CCSER2: variants seen among roughly 807,000 people sequenced by gnomAD.
CCSER2 encodes serine-rich coiled-coil domain-containing protein 2.
In CCSER2, 46 loss-of-function variants were observed where a neutral mutation model predicts 92.3. That is an observed-to-expected ratio of 0.50 (90% CI 0.39 to 0.64). CCSER2 has a LOEUF of 0.64. CCSER2 is among the 30% of genes least tolerant of loss of function. The pLI is 0.00. For missense variants in CCSER2, 1,244 were observed against 1,238.9 expected (o/e 1.00, Z -0.06); for synonymous variants, 433 against 431.4 (o/e 1.00, Z -0.04).
At chr10:84,398,298 A>G (rs927213845) in intron 3 of CCSER2, among the ~76,000 whole-genome samples, 2 of 152,110 alleles carry the variant, frequency 1.3e-5, no homozygotes, top group African/African-American at 4.8e-5. Flanking sequence ...ATTATTATAC[A>G]TTGGGCCCCC....
At chr10:84,505,118 A>G (rs777596463) in intron 9 of CCSER2, among the ~76,000 whole-genome samples, 4 of 152,120 alleles carry the variant, frequency 2.6e-5, no homozygotes, top group Non-Finnish European at 5.9e-5. Context: ...CTTTTTTCAC[A>G]TAGTATCATT....
rs191652019 is a variant in CCSER2, at chr10:84,457,998, C to T, written c.2065-5935C>T. Among the ~76,000 whole-genome samples the T allele has an allele frequency of 1.4e-4, 21 of 151,978 alleles. No individual in the cohort carries two copies. The East Asian group carries it at 3.5e-3, about 25-fold the overall frequency. On this transcript the variant is annotated intron_variant, in intron 6 of 9. Coordinates refer to ENST00000372088, the MANE Select transcript of CCSER2 (RefSeq NM_001284240.2). ...CTGACCTCAGGTGATCCGCCTGCTTCGGCCTCCCAAAAGGCTGGGATTACA... is the reference window on the plus strand; with the variant it reads ...CTGACCTCAGGTGATCCGCCTGCTTTGGCCTCCCAAAAGGCTGGGATTACA...
intron 8 of CCSER2, among the ~76,000 whole-genome samples, chr10:84,471,873 A>G (rs1432998944): frequency 6.6e-6 from 1 of 152,124 alleles, no homozygotes; most frequent in African/African-American, 2.4e-5. Flanking sequence ...TTCAGATTAA[A>G]TAAGTTTGAG....
Position 84,465,314 on chromosome 10 carries a change from A to ATTTT in CCSER2, c.2148+1324_2148+1327dup, listed in dbSNP as rs34510394. On this transcript the variant is annotated intron_variant, in intron 7 of 9. Transcript: ENST00000372088. Reference sequence around the variant, plus strand: ...GTGAAAAAGTTTTTTACATGTAAAGATTTTTTTTTTTTTTTTTTTTTTTTT... The same window carrying ATTTT: ...GTGAAAAAGTTTTTTACATGTAAAGATTTTTTTTTTTTTTTTTTTTTTTTTTTTT... Among the ~76,000 whole-genome samples, 19 of 49,884 alleles carry ATTTT rather than the reference A, an allele frequency of 3.8e-4. 1 individual carries two copies. Among genetic ancestry groups the ATTTT allele is most frequent in the African/African-American group, 1.4e-3 (13 of 9,466 alleles). The allele number at this position is 49,884 out of a possible 152,430, so 32.7% of individuals were successfully genotyped here.
chr10:84,361,713 C>T (rs1564598094), intron 1 of CCSER2, among the ~76,000 whole-genome samples: 1 of 151,934 alleles, frequency 6.6e-6, no homozygotes, highest in Admixed American at 6.6e-5. Context: ...GCAATCTCAC[C>T]TCACTGCAAC....
At chr10:84,509,802 G>T (rs918678074) in intron 9 of CCSER2, among the ~76,000 whole-genome samples, 4 of 152,100 alleles carry the variant, frequency 2.6e-5, no homozygotes, top group Non-Finnish European at 5.9e-5. Flanking sequence ...TCTAGGTTTT[G>T]TGGGCTTCCG....
In CCSER2 at chr10:84,368,657, A is replaced by G. The variant is rs76193840; in HGVS notation, c.-39-2357A>G. Among the ~76,000 whole-genome samples the G allele has an allele frequency of 8.4e-3, 1,271 of 152,182 alleles. 83 individuals are homozygous for G. The East Asian group carries it at 0.16, about 19-fold the overall frequency. On this transcript the variant is annotated intron_variant, in intron 1 of 9. Coordinates refer to ENST00000372088, the MANE Select transcript of CCSER2 (RefSeq NM_001284240.2). ...TTTTATAAAACCATGTATTTTTTTAAAAAAATAATATGTTCTTTAATTACC... is the reference window on the plus strand; with the variant it reads ...TTTTATAAAACCATGTATTTTTTTAGAAAAATAATATGTTCTTTAATTACC...
intron 1 of CCSER2, among the ~76,000 whole-genome samples, chr10:84,343,626 ATGT>A (rs1844323253): frequency 6.6e-6 from 1 of 152,146 alleles, no homozygotes; most frequent in Non-Finnish European, 1.5e-5. Flanking sequence ...CAATTAGATG[ATGT>A]TGTTATGAAG....
intron 3 of CCSER2, among the ~76,000 whole-genome samples, chr10:84,383,838 C>G (rs1037496019): frequency 6.6e-6 from 1 of 151,994 alleles, no homozygotes; most frequent in Non-Finnish European, 1.5e-5. Flanking sequence ...TAAAAATGAT[C>G]AATGAAATGA....
intron 5 of CCSER2, among the ~76,000 whole-genome samples, chr10:84,436,355 G>C (rs1844141538): frequency 1.4e-4 from 7 of 49,422 alleles, no homozygotes; most frequent in Non-Finnish European, 2.8e-4. Flanking sequence ...AAAAAAAAAT[G>C]CCGGGCGCGG....
At chr10:84,363,516 G>A (rs1845620707) in intron 1 of CCSER2, among the ~76,000 whole-genome samples, 1 of 152,124 alleles carries the variant, frequency 6.6e-6, no homozygotes, top group Admixed American at 6.5e-5. Context: ...AATTGCTCTT[G>A]TACTTAGTAG....
intron 3 of CCSER2, among the ~76,000 whole-genome samples, chr10:84,379,370 C>G (rs1840770680): frequency 6.6e-6 from 1 of 151,814 alleles, no homozygotes; most frequent in Non-Finnish European, 1.5e-5. Context: ...GCTGATTTTT[C>G]TATATTGTGC....
At chr10:84,460,669 C>G in intron 6 of CCSER2, among the ~76,000 whole-genome samples, 1 of 151,846 alleles carries the variant, frequency 6.6e-6, no homozygotes, top group Non-Finnish European at 1.5e-5. Flanking sequence ...TATGTTTACA[C>G]AGCTTATCTA....
At chr10:84,374,555 T>C (rs1232149655) in intron 3 of CCSER2, among the ~76,000 whole-genome samples, 1 of 152,178 alleles carries the variant, frequency 6.6e-6, no homozygotes, top group Non-Finnish European at 1.5e-5. Flanking sequence ...CATGATCTGT[T>C]GACCAGAACT....
chr10:84,418,513 G>A (rs1842985190), intron 4 of CCSER2, among the ~76,000 whole-genome samples: 2 of 152,172 alleles, frequency 1.3e-5, no homozygotes, highest in African/African-American at 4.8e-5. Flanking sequence ...ATACTCCTGG[G>A]GAGAGGGCTG....
At chr10:84,397,809 T>A (rs1822577044) in intron 3 of CCSER2, among the ~76,000 whole-genome samples, 1 of 152,202 alleles carries the variant, frequency 6.6e-6, no homozygotes, top group African/African-American at 2.4e-5. Flanking sequence ...TTTCAGGTGC[T>A]AATGTGCTTC....
intron 3 of CCSER2, among the ~76,000 whole-genome samples, chr10:84,415,635 C>T (rs1842852108): frequency 6.6e-6 from 1 of 152,162 alleles, no homozygotes; most frequent in South Asian, 2.1e-4. Flanking sequence ...TTAGGAGAAA[C>T]AGGATCAGGG....
intron 9 of CCSER2, among the ~76,000 whole-genome samples, chr10:84,507,608 T>A (rs1849130612): frequency 6.6e-6 from 1 of 152,218 alleles, no homozygotes; most frequent in Non-Finnish European, 1.5e-5. Context: ...TTTGGTGCAC[T>A]TTGACATATT....
chr10:84,348,438 C>T (rs1005466007), intron 1 of CCSER2, among the ~76,000 whole-genome samples: 9 of 151,848 alleles, frequency 5.9e-5, no homozygotes, highest in South Asian at 4.2e-4. Context: ...AGAGGGAGAC[C>T]GTGGAAAGAG....
Sources: gnomAD v4.1 joint callset for allele counts (sites outside exome capture counted in the v4.1 genomes callset) on GRCh38, gnomAD v4.1.1 for gene constraint, MANE v1.5 for transcripts, NCBI Gene and HGNC (gene_info 2026-07-23, HGNC 2026-07-21) for gene names.